Variants in STAG2 observed in about 807,000 individuals in gnomAD.
The protein encoded by STAG2 is cohesin subunit SA-2.
Under a neutral mutation model 108.1 loss-of-function variants are expected in STAG2, and 14 were observed. The observed-to-expected ratio is 0.13, with a 90% CI of 0.09 to 0.20. The LOEUF (loss-of-function observed/expected upper bound fraction) is 0.20. STAG2 is among the 10% of genes least tolerant of loss of function. The probability of loss-of-function intolerance (pLI) is 1.00; values close to 1 mark genes in which losing one functional copy is unlikely to be tolerated. For missense variants in STAG2, 440 were observed against 940.9 expected, an observed-to-expected ratio of 0.47 and a Z score of 6.96; for synonymous variants, 307 against 302.7, an observed-to-expected ratio of 1.01 and a Z score of -0.15.
At chrX:124,009,443 G>GTAGGTAGGTAGGTAGATAGA (rs1556479689) in intron 1 of STAG2, among the ~76,000 whole-genome samples, 7 of 63,607 alleles carry the variant, frequency 1.1e-4, no homozygotes, top group African/African-American at 3.7e-4. Flanking sequence ...AGGTAGGTAG[G>GTAGGTAGGTAGGTAGATAGA]TAGATAGATA....
intron 1 of STAG2, among the ~76,000 whole-genome samples, chrX:123,979,470 CA>C (rs1049178742): frequency 3.6e-5 from 4 of 111,587 alleles, no homozygotes; most frequent in Non-Finnish European, 7.5e-5. Flanking sequence ...TCCAGGGATA[CA>C]CTGGACTTAT....
intron 13 of STAG2, among the ~76,000 whole-genome samples, chrX:124,054,243 G>A (rs148053096): frequency 7.1e-5 from 8 of 112,272 alleles, no homozygotes; most frequent in African/African-American, 2.6e-4. Flanking sequence ...AATTAAATTA[G>A]TATGTAAGAT....
chrX:124,035,872 A>T (rs776131223), intron 5 of STAG2, among the ~76,000 whole-genome samples: 1 of 111,903 alleles, frequency 8.9e-6, no homozygotes, highest in African/African-American at 3.2e-5. Context: ...GCATTCTGTG[A>T]CCTAATTTTG....
chrX:124,082,247 A>G (rs781363975), intron 28 of STAG2, among the ~76,000 whole-genome samples: 1 of 111,217 alleles, frequency 9.0e-6, no homozygotes, highest in Non-Finnish European at 1.9e-5. Flanking sequence ...TTTGATCCAC[A>G]CCCTTCTTTC....
chrX:124,024,697 A>G (rs928110855), intron 3 of STAG2, among the ~76,000 whole-genome samples: 1 of 111,689 alleles, frequency 9.0e-6, no homozygotes, highest in Non-Finnish European at 1.9e-5. Flanking sequence ...CTGCTACCTC[A>G]TAGCCTCTGG....
At chrX:123,962,235 G>C (rs1352891434) in intron 1 of STAG2, 1 of 111,346 alleles carries the variant, frequency 9.0e-6, no homozygotes, top group Non-Finnish European at 1.9e-5. Flanking sequence ...GATGGGCCGT[G>C]GGAGAGAGAA....
intron 1 of STAG2, among the ~76,000 whole-genome samples, chrX:124,005,494 CTG>C (rs1430554556): frequency 2.7e-5 from 3 of 111,588 alleles, no homozygotes; most frequent in African/African-American, 9.8e-5. Flanking sequence ...GGTTTCTAAT[CTG>C]TGTCAACCAC....
rs2059018462 is a variant in STAG2, at chrX:124,083,602, G to A, written c.3053+53G>A. On this transcript the variant is annotated intron_variant, in intron 29 of 34. Coordinates refer to ENST00000371145, the MANE Select transcript of STAG2 (RefSeq NM_001042750.2). ...TAATTTCATTTTGGGATTCTTAAGGGCAATTTTTATACTTGGTTTCTCTCC... is the reference window on the plus strand; with the variant it reads ...TAATTTCATTTTGGGATTCTTAAGGACAATTTTTATACTTGGTTTCTCTCC... 49 of 1,004,223 alleles carry A rather than the reference G, an allele frequency of 4.9e-5. No individual in the cohort carries two copies. The South Asian group carries it at 1.1e-3, about 23-fold the overall frequency. The allele number at this position is 1,004,223 out of a possible 1,213,427, so 82.8% of individuals were successfully genotyped here. A position where few individuals can be genotyped will look rare whatever the true frequency, so the allele number is the denominator to read the frequency against.
chrX:124,086,173 G>A (rs1444060809), intron 29 of STAG2, among the ~76,000 whole-genome samples: 1 of 110,380 alleles, frequency 9.1e-6, no homozygotes, highest in Non-Finnish European at 1.9e-5. Context: ...AAAATATCTA[G>A]CACATAGTCG....
intron 1 of STAG2, among the ~76,000 whole-genome samples, chrX:124,012,801 TCTA>T (rs943751560): frequency 2.7e-5 from 3 of 112,354 alleles, no homozygotes; most frequent in Non-Finnish European, 3.8e-5. Flanking sequence ...TTGTTTTTAA[TCTA>T]CTGAATTGTT....
rs2059517030 is a variant in STAG2 at position 124,102,205 on chromosome X, A to C, written c.*1608A>C. On this transcript the variant is annotated 3_prime_UTR_variant, in exon 35 of 35. Coordinates refer to ENST00000371145, the MANE Select transcript of STAG2 (RefSeq NM_001042750.2). ...TCTAACAGATTTTCCATCAACAAAT[A>C]TTGTTATGTGCAAAAGTATTGCCTA... The C allele has an allele frequency of 6.3e-6, 1 of 157,905 alleles. No individual in the cohort carries two copies. The highest frequency in any genetic ancestry group is 8.3e-5 in the Admixed American group (1 of 12,065). 13.0% of individuals were successfully genotyped at this position (157,905 alleles called of 1,213,427 possible).
intron 29 of STAG2, among the ~76,000 whole-genome samples, chrX:124,084,643 G>A (rs747876281): frequency 2.0e-4 from 22 of 111,787 alleles, no homozygotes; most frequent in Non-Finnish European, 3.4e-4. Flanking sequence ...TTAGGTATGT[G>A]GGTCACACAG....
chrX:124,064,198 G>T, intron 20 of STAG2, 147 bp downstream of exon 20: 1 of 435,268 alleles, frequency 2.3e-6, no homozygotes. Context: ...TGACTCATCA[G>T]GCTACTCCTC....
At chrX:123,960,687 C>T (rs1244609141), upstream of STAG2, 1 of 105,546 alleles carries the variant, frequency 9.5e-6, no homozygotes. Flanking sequence ...TCAAAACCCC[C>T]CACCGCTCTA....
intron 1 of STAG2, among the ~76,000 whole-genome samples, chrX:123,986,826 T>C (rs1220316302): frequency 9.0e-6 from 1 of 111,030 alleles, no homozygotes; most frequent in African/African-American, 3.3e-5. Context: ...TAACTTATGA[T>C]TTTAAATGTT....
intron 25 of STAG2, among the ~76,000 whole-genome samples, chrX:124,074,804 A>G (rs1049093712): frequency 8.9e-6 from 1 of 112,173 alleles, no homozygotes; most frequent in Admixed American, 9.5e-5. Flanking sequence ...ATTAGTGGAG[A>G]AAAATAAAAA....
intron 1 of STAG2, among the ~76,000 whole-genome samples, chrX:123,986,119 A>G (rs745519441): frequency 2.1e-4 from 22 of 105,690 alleles, no homozygotes; most frequent in Non-Finnish European, 4.0e-4. Context: ...GCATGTATCT[A>G]TATATACATA....
chrX:123,987,958 G>C (rs2055277313), intron 1 of STAG2, among the ~76,000 whole-genome samples: 2 of 111,869 alleles, frequency 1.8e-5, no homozygotes, highest in Admixed American at 9.5e-5. Context: ...CCATTTTGTG[G>C]TTATAGTTTT....
Position 124,063,118 on chromosome X carries a change from C to T in STAG2, c.1734C>T (p.Tyr578=). 1 of 1,201,850 alleles carries T rather than the reference C, an allele frequency of 8.3e-7. No individual in the cohort carries two copies. The highest frequency in any genetic ancestry group is 1.1e-6 in the Non-Finnish European group (1 of 888,307). Residue 578 remains tyrosine (Y), a splice_region_variant and synonymous_variant, in exon 19 of 35, where the codon TAC becomes TAT. Coordinates refer to ENST00000371145, the MANE Select transcript of STAG2 (RefSeq NM_001042750.2). The part of the protein sequence containing the change: ...AVALPQLLAK[Y]SVDAEKVTNL... ...AACGTGATCTTTATATTTCACAGTACTCTGTAGATGCAGAAAAGGTGACTA... is the reference window on the plus strand; with the variant it reads ...AACGTGATCTTTATATTTCACAGTATTCTGTAGATGCAGAAAAGGTGACTA...
Sources: gnomAD v4.1 joint callset for allele counts (sites outside exome capture counted in the v4.1 genomes callset) on GRCh38, gnomAD v4.1.1 for gene constraint, MANE v1.5 for transcripts, NCBI Gene and HGNC (gene_info 2026-07-23, HGNC 2026-07-21) for gene names.